The following DIS3L variants were observed in gnomAD, a reference collection of about 807,000 sequenced individuals.
The protein encoded by DIS3L is DIS3-like exonuclease 1.
A neutral mutation model predicts 120.3 loss-of-function variants in DIS3L; 100 were observed. The observed-to-expected ratio is 0.83, with a 90% CI of 0.71 to 0.98. DIS3L has a LOEUF of 0.98. Ranked by LOEUF, DIS3L falls within the 50% of genes least tolerant of loss-of-function variation. DIS3L has a pLI of 0.00. For missense variants in DIS3L, 1,196 were observed against 1,314.2 expected (o/e 0.91, Z 1.39); for synonymous variants, 426 against 470.6 (o/e 0.91, Z 1.23).
Position 66,293,602 on chromosome 15 carries a change from G to A in DIS3L, c.6G>A (p.Leu2=). M[L]QKREKVLLLR... The stretch of plus-strand genomic sequence containing the variant: ...CCGCCGGGAGACACGCCGCCATGCT[G>A]CAGAAGCGGGAGAAGGTGCTGCTGC... Residue 2 remains leucine, a synonymous_variant, in exon 1 of 17, where the codon CTG becomes CTA. Coordinates refer to ENST00000319212, the MANE Select transcript of DIS3L (RefSeq NM_001143688.3). 4 of 1,440,840 alleles carry A rather than the reference G, an allele frequency of 2.8e-6. No homozygotes were observed. Among genetic ancestry groups the A allele is most frequent in the Non-Finnish European group, 2.7e-6 (3 of 1,098,540 alleles). 89.3% of individuals were successfully genotyped at this position (1,440,840 alleles called of 1,614,324 possible).
At chr15:66,312,679 A>C (rs1371319307) in intron 5 of DIS3L, among the ~76,000 whole-genome samples, 1 of 152,214 alleles carries the variant, frequency 6.6e-6, no homozygotes, top group Non-Finnish European at 1.5e-5. Context: ...ATTTTTATTC[A>C]GATTTCAACA....
chr15:66,331,857 G>T lies in DIS3L; in HGVS notation c.2536-18G>T. ...GCCAGGGGAGTGTTAAAATGCTTTG[G>T]AGTTGTGCTTCTTACAGGCAGCACA... On this transcript the variant is annotated intron_variant, in intron 14 of 16. Transcript: ENST00000319212. 1 of 1,550,932 alleles carries T rather than the reference G, an allele frequency of 6.4e-7. No homozygotes were observed. Among genetic ancestry groups the T allele is most frequent in the Non-Finnish European group, 8.7e-7 (1 of 1,148,404 alleles).
chr15:66,322,207 GA>G (rs2092891842), intron 9 of DIS3L, among the ~76,000 whole-genome samples: 1 of 152,088 alleles, frequency 6.6e-6, no homozygotes, highest in African/African-American at 2.4e-5. Flanking sequence ...GGCTTAAACA[GA>G]TAATAATGGA....
intron 4 of DIS3L, among the ~76,000 whole-genome samples, chr15:66,309,111 G>T (rs2092735217): frequency 4.0e-5 from 1 of 24,884 alleles, no homozygotes. Flanking sequence ...ATATCTCCAA[G>T]CATGGTGGCA....
chr15:66,333,487 T>C lies in DIS3L; in HGVS notation c.*175T>C, dbSNP rs991532592. On this transcript the variant is annotated 3_prime_UTR_variant, in exon 17 of 17. Transcript: ENST00000319212. ...GGCTCACGCCTGTAACCCCAGCACT[T>C]TGGGAGGCTGAGGCGGGCGGATCAC... 7 of 599,718 alleles carry C rather than the reference T, an allele frequency of 1.2e-5. No homozygotes were observed. Among genetic ancestry groups the C allele is most frequent in the Non-Finnish European group, 1.9e-5 (7 of 371,746 alleles). 37.1% of individuals were successfully genotyped at this position (599,718 alleles called of 1,614,324 possible).
At chr15:66,311,581 A>G in intron 4 of DIS3L, 143 bp from the exon 5 acceptor site, 1 of 887,804 alleles carries the variant, frequency 1.1e-6, no homozygotes, top group Non-Finnish European at 1.7e-6. Flanking sequence ...TGAATGGTGG[A>G]GTGAGGCTCA....
chr15:66,307,558 T>C (rs2092714200), intron 3 of DIS3L, among the ~76,000 whole-genome samples: 1 of 152,074 alleles, frequency 6.6e-6, no homozygotes, highest in Non-Finnish European at 1.5e-5. Context: ...TGTCTTGGCC[T>C]CCCAAAGTGC....
At chr15:66,321,204 C>G (rs1387892981) in intron 9 of DIS3L, among the ~76,000 whole-genome samples, 1 of 152,180 alleles carries the variant, frequency 6.6e-6, no homozygotes, top group Non-Finnish European at 1.5e-5. Flanking sequence ...AAACAAAAAT[C>G]TCATAAACAT....
chr15:66,316,394 C>T (rs2092817686), intron 7 of DIS3L, among the ~76,000 whole-genome samples: 1 of 152,148 alleles, frequency 6.6e-6, no homozygotes, highest in South Asian at 2.1e-4. Context: ...ACTTCCCCCA[C>T]AGCTCTCCTG....
At chr15:66,300,681 G>A (rs2092638447) in intron 2 of DIS3L, among the ~76,000 whole-genome samples, 1 of 152,136 alleles carries the variant, frequency 6.6e-6, no homozygotes, top group African/African-American at 2.4e-5. Context: ...GAGATGGCGG[G>A]GAAGGTAGGG....
intron 12 of DIS3L, 114 bp downstream of exon 12, chr15:66,326,478 TTCTTGGCTCTCC>T: frequency 8.6e-7 from 1 of 1,167,852 alleles, no homozygotes; most frequent in South Asian, 1.6e-5. Flanking sequence ...AGAAAACAGA[TTCTTGGCTCTCC>T]TCATTTTTGA....
chr15:66,314,166 C>T lies in DIS3L; in HGVS notation c.814+49C>T, dbSNP rs745373362. On this transcript the variant is annotated intron_variant, in intron 6 of 16. Coordinates refer to ENST00000319212, the MANE Select transcript of DIS3L (RefSeq NM_001143688.3). ...TTTCCATACTCCTTTTTTATTCTGACGTTATACAATGAAGAAAGCAAAGTT... is the reference window on the plus strand; with the variant it reads ...TTTCCATACTCCTTTTTTATTCTGATGTTATACAATGAAGAAAGCAAAGTT... 1.3e-5 allele frequency: 17 copies of T among 1,358,194 alleles called. No homozygotes were observed. The African/African-American group carries it at 1.4e-4, about 11-fold the overall frequency. The allele number at this position is 1,358,194 out of a possible 1,614,324, so 84.1% of individuals were successfully genotyped here.
In DIS3L at chr15:66,295,202, C is replaced by T. The variant is rs560686161; in HGVS notation, c.293+61C>T. ...AGGTTCCCCCCACCTTAGAAAAGGTCCCTTGTCGGAGGGGGATGGGAGGAA... is the reference window on the plus strand; with the variant it reads ...AGGTTCCCCCCACCTTAGAAAAGGTTCCTTGTCGGAGGGGGATGGGAGGAA... On this transcript the variant is annotated intron_variant, in intron 2 of 16. Coordinates refer to ENST00000319212, the MANE Select transcript of DIS3L (RefSeq NM_001143688.3). 1.1e-5 allele frequency: 16 copies of T among 1,504,942 alleles called. No homozygotes were observed. The East Asian group carries it at 2.7e-4, about 26-fold the overall frequency. The allele number at this position is 1,504,942 out of a possible 1,614,324, so 93.2% of individuals were successfully genotyped here.
chr15:66,303,279 T>C (rs1026452392), intron 2 of DIS3L, among the ~76,000 whole-genome samples: 1 of 152,224 alleles, frequency 6.6e-6, no homozygotes, highest in Non-Finnish European at 1.5e-5. Context: ...AATGTCTGTT[T>C]GAGTCCTTGC....
At chr15:66,304,639 G>T (rs746841579) in intron 2 of DIS3L, among the ~76,000 whole-genome samples, 3 of 152,100 alleles carry the variant, frequency 2.0e-5, no homozygotes, top group Non-Finnish European at 4.4e-5. Context: ...GACGGCTTAT[G>T]CCTATAATCC....
At chr15:66,299,732 A>T (rs894905859) in intron 2 of DIS3L, among the ~76,000 whole-genome samples, 2 of 152,134 alleles carry the variant, frequency 1.3e-5, no homozygotes, top group African/African-American at 4.8e-5. Context: ...TAACTAAGAG[A>T]ATTGAAAACA....
chr15:66,320,621 T>A lies in DIS3L; in HGVS notation c.1215T>A (p.Tyr405Ter). The change falls in exon 9 of 17, where the codon TAT becomes TAA. Residue 405 changes from tyrosine to a stop codon, truncating the protein, a stop_gained. Transcript: ENST00000319212. LOFTEE classifies it high-confidence loss of function. ...ATTCCTGGGAGTCAACATCTGTGTATCCAAATGGACATTTTGTGCGTGTTT... is the reference window on the plus strand; with the variant it reads ...ATTCCTGGGAGTCAACATCTGTGTAACCAAATGGACATTTTGTGCGTGTTT... ...RIDSWESTSVYPNGHFVRVLG... is the reference protein window; with the variant it reads ...RIDSWESTSV 6.2e-7 allele frequency: 1 copy of A among 1,614,100 alleles called. No individual in the cohort carries two copies. The highest frequency in any genetic ancestry group is 8.5e-7 in the Non-Finnish European group (1 of 1,180,014).
intron 2 of DIS3L, among the ~76,000 whole-genome samples, chr15:66,301,803 T>C (rs1845028177): frequency 6.7e-6 from 1 of 149,222 alleles, no homozygotes. Flanking sequence ...ACTGTCACAC[T>C]CAGAGTGATT....
At chr15:66,326,563 AT>A (rs2140404552) in intron 12 of DIS3L, 199 bp downstream of exon 12, 1 of 629,190 alleles carries the variant, frequency 1.6e-6, no homozygotes, top group Non-Finnish European at 2.6e-6. Context: ...TTTAGGCATA[AT>A]TTTGTTCCTT....
Sources: allele counts gnomAD v4.1 joint callset (sites outside exome capture counted in the v4.1 genomes callset), GRCh38; gene constraint gnomAD v4.1.1; transcripts MANE v1.5; gene names NCBI Gene and HGNC (gene_info 2026-07-23, HGNC 2026-07-21).